Variants in AGAP1 observed in about 807,000 individuals in gnomAD.
AGAP1 encodes ArfGAP with GTPase domain, ankyrin repeat and PH domain 1.
A neutral mutation model predicts 105.3 loss-of-function variants in AGAP1; 29 were observed. The ratio of observed to expected loss-of-function variants is 0.28; its 90% CI spans 0.21 to 0.38. AGAP1 has a LOEUF of 0.38. Ranked by LOEUF, AGAP1 falls within the 10% of genes least tolerant of loss-of-function variation. The probability of loss-of-function intolerance (pLI) is 1.00; values close to 1 mark genes in which losing one functional copy is unlikely to be tolerated. For synonymous variants in AGAP1, 509 were observed against 485.9 expected, an observed-to-expected ratio of 1.05 and a Z score of -0.63; for missense variants, 998 against 1,165.1, an observed-to-expected ratio of 0.86 and a Z score of 2.09.
intron 9 of AGAP1, among the ~76,000 whole-genome samples, chr2:235,816,903 T>C (rs544736479): frequency 6.6e-6 from 1 of 151,808 alleles, no homozygotes; most frequent in African/African-American, 2.4e-5. Context: ...AAAAAAGATA[T>C]CTACCAAGAC....
chr2:235,699,070 C>CT (rs1950132842), intron 1 of AGAP1, among the ~76,000 whole-genome samples: 1 of 16,280 alleles, frequency 6.1e-5, no homozygotes, highest in African/African-American at 2.7e-4. Context: ...CATCAGACAT[C>CT]CCCCCCCCCC....
In AGAP1 at chr2:235,864,122, G is replaced by A. The variant is rs1218630260; in HGVS notation, c.1051-19223G>A. 6.6e-6 allele frequency among the ~76,000 whole-genome samples: 1 copy of A among 152,200 alleles called. No individual in the cohort carries two copies. Among genetic ancestry groups the A allele is most frequent in the East Asian group, 1.9e-4 (1 of 5,180 alleles). ...TTCCCACGTGATTTAATAAACAGTT[G>A]CTGTAGCATGTGTAATCTTTGCAGT... On this transcript the variant is annotated intron_variant, in intron 9 of 17. Transcript: ENST00000304032. This position sits in a 1 kb window ranked among gnomAD's most constrained non-coding sequence, Gnocchi z 5.0.
At chr2:235,533,654 A>G (rs1177525456) in intron 1 of AGAP1, among the ~76,000 whole-genome samples, 2 of 152,140 alleles carry the variant, frequency 1.3e-5, no homozygotes, top group Non-Finnish European at 2.9e-5. Context: ...TTGTTCTTTC[A>G]TGTTTTCCTC....
At chr2:236,041,355 A>G (rs2057545012) in intron 15 of AGAP1, among the ~76,000 whole-genome samples, 1 of 150,138 alleles carries the variant, frequency 6.7e-6, no homozygotes, top group Non-Finnish European at 1.5e-5. Flanking sequence ...TCACAATCAT[A>G]TGTTCTGGGT....
chr2:235,786,436 T>C (rs1456585654), intron 6 of AGAP1, among the ~76,000 whole-genome samples: 1 of 152,232 alleles, frequency 6.6e-6, no homozygotes, highest in Non-Finnish European at 1.5e-5. Context: ...TTTTTGCATA[T>C]CTTTCTCCAT....
chr2:235,680,799 G>A (rs553262745), intron 1 of AGAP1, among the ~76,000 whole-genome samples: 8 of 152,210 alleles, frequency 5.3e-5, no homozygotes, highest in Admixed American at 5.2e-4. Context: ...GGTGGGAAGA[G>A]AGTGGCTGCG....
intron 16 of AGAP1, among the ~76,000 whole-genome samples, chr2:236,064,365 T>C (rs1349225969): frequency 6.6e-6 from 1 of 151,964 alleles, no homozygotes; most frequent in Non-Finnish European, 1.5e-5. Flanking sequence ...CCGAGGTGGG[T>C]GGATCACTTG....
At chr2:235,678,539 C>T (rs1030500815) in intron 1 of AGAP1, among the ~76,000 whole-genome samples, 4 of 152,134 alleles carry the variant, frequency 2.6e-5, no homozygotes, top group African/African-American at 4.8e-5. Context: ...ATTGTTAGGA[C>T]GGGGGCTGTG....
intron 13 of AGAP1, among the ~76,000 whole-genome samples, chr2:235,974,869 G>C (rs1041136227): frequency 3.3e-5 from 5 of 152,232 alleles, no homozygotes; most frequent in Non-Finnish European, 7.3e-5. Flanking sequence ...GGGAGACGTT[G>C]AGAAATAAAA....
chr2:235,568,464 G>A (rs1227386703), intron 1 of AGAP1, among the ~76,000 whole-genome samples: 2 of 152,210 alleles, frequency 1.3e-5, no homozygotes, highest in African/African-American at 4.8e-5. Flanking sequence ...ATGTCCTAAA[G>A]CCGCTAGCAC....
chr2:235,715,545 C>T (rs1487971782), intron 2 of AGAP1, among the ~76,000 whole-genome samples: 1 of 152,142 alleles, frequency 6.6e-6, no homozygotes, highest in Non-Finnish European at 1.5e-5. Flanking sequence ...CTGTTAGCTG[C>T]CAGCAAAGTT....
At chr2:235,794,807 G>A (rs1196799715) in intron 6 of AGAP1, among the ~76,000 whole-genome samples, 1 of 152,120 alleles carries the variant, frequency 6.6e-6, no homozygotes, top group East Asian at 1.9e-4. Flanking sequence ...CCACGTGATT[G>A]TGTTTCTGAT....
At position 236,095,148 on chromosome 2, in the gene AGAP1, A is replaced by G. The variant is rs1050692433; in HGVS notation, c.2115-25044A>G. Among the ~76,000 whole-genome samples, 5 of 151,812 alleles carry G rather than the reference A, an allele frequency of 3.3e-5. No individual in the cohort carries two copies. Among genetic ancestry groups the G allele is most frequent in the Admixed American group, 1.3e-4 (2 of 15,210 alleles). On this transcript the variant is annotated intron_variant, in intron 16 of 17. Coordinates refer to ENST00000304032, the MANE Select transcript of AGAP1 (RefSeq NM_001037131.3). This position sits in a 1 kb window ranked among gnomAD's most constrained non-coding sequence, Gnocchi z 4.1. Reference sequence around the variant, plus strand: ...GTGGTGGTTGACGCCTGTAATTCCAACACTTCGGGAGGCCAAGGCGGGTGG... The same window carrying G: ...GTGGTGGTTGACGCCTGTAATTCCAGCACTTCGGGAGGCCAAGGCGGGTGG...
At chr2:235,693,865 G>C (rs569797210) in intron 1 of AGAP1, among the ~76,000 whole-genome samples, 9 of 152,324 alleles carry the variant, frequency 5.9e-5, no homozygotes, top group African/African-American at 1.7e-4. Flanking sequence ...TTGATCCTCA[G>C]CCCTTACTTG....
intron 6 of AGAP1, among the ~76,000 whole-genome samples, chr2:235,767,551 C>T (rs1200615658): frequency 6.6e-6 from 1 of 152,138 alleles, no homozygotes; most frequent in Non-Finnish European, 1.5e-5. Flanking sequence ...GACTGACACT[C>T]CTGGGAGCAT....
Position 235,930,631 on chromosome 2 carries a change from A to G in AGAP1, c.1325-134A>G, listed in dbSNP as rs1295070010. The G allele has an allele frequency of 5.9e-6, 5 of 848,362 alleles. No homozygotes were observed. Among genetic ancestry groups the G allele is most frequent in the South Asian group, 1.8e-5 (1 of 54,478 alleles). 52.6% of individuals were successfully genotyped at this position (848,362 alleles called of 1,614,324 possible). On this transcript the variant is annotated intron_variant, in intron 11 of 17. Transcript: ENST00000304032. This position sits in a 1 kb window ranked among gnomAD's most constrained non-coding sequence, Gnocchi z 7.9. Reference sequence around the variant, plus strand: ...TTTCTGTCTGGCGCTTCCGTTTGCCATGCAGGCAGGACAGGGGCTGCTCTC... The same window carrying G: ...TTTCTGTCTGGCGCTTCCGTTTGCCGTGCAGGCAGGACAGGGGCTGCTCTC...
intron 1 of AGAP1, among the ~76,000 whole-genome samples, chr2:235,641,433 G>A (rs1203925428): frequency 6.9e-6 from 1 of 145,602 alleles, no homozygotes; most frequent in Non-Finnish European, 1.5e-5. Flanking sequence ...TCCCCGACCC[G>A]ATTTTTTTTT....
In AGAP1 at chr2:235,535,435, T is replaced by C. The variant is rs1406850376; in HGVS notation, c.163+40586T>C. The stretch of plus-strand genomic sequence containing the variant: ...AAATGAAATTAGAACTTCACTGCCC[T>C]TTTTCTTTTTCCCATCGAGGTGCAG... On this transcript the variant is annotated intron_variant, in intron 1 of 17. Coordinates refer to ENST00000304032, the MANE Select transcript of AGAP1 (RefSeq NM_001037131.3). The surrounding 1 kb of genome is among the most constrained non-coding windows in gnomAD (Gnocchi z 5.1). Among the ~76,000 whole-genome samples, 3 of 151,918 alleles carry C rather than the reference T, an allele frequency of 2.0e-5. No homozygotes were observed. Among genetic ancestry groups the C allele is most frequent in the Non-Finnish European group, 4.4e-5 (3 of 67,994 alleles).
At chr2:235,573,706 G>A (rs142369216) in intron 1 of AGAP1, among the ~76,000 whole-genome samples, 24 of 151,600 alleles carry the variant, frequency 1.6e-4, no homozygotes, top group African/African-American at 4.6e-4. Flanking sequence ...GCATGAGTGC[G>A]CCCCATGAGT....
Sources: allele counts gnomAD v4.1 joint callset (sites outside exome capture counted in the v4.1 genomes callset), GRCh38; gene constraint gnomAD v4.1.1; non-coding constraint Gnocchi (gnomAD v3.1); transcripts MANE v1.5; gene names NCBI Gene and HGNC (gene_info 2026-07-23, HGNC 2026-07-21).